MSI2: variants seen among roughly 807,000 people sequenced by gnomAD.
MSI2 encodes the protein musashi RNA binding protein 2.
In MSI2, 17 loss-of-function variants were observed where a neutral mutation model predicts 45.6. The observed-to-expected ratio is 0.37, with a 90% CI of 0.26 to 0.56. MSI2 has a LOEUF of 0.56. Among genes scored for constraint, MSI2 ranks in the 20% least tolerant of loss-of-function variants. The pLI is 0.77. For missense variants in MSI2, 293 were observed against 444.2 expected (o/e 0.66, Z 3.06); for synonymous variants, 156 against 158.2 (o/e 0.99, Z 0.11).
intron 7 of MSI2, among the ~76,000 whole-genome samples, chr17:57,588,969 G>C (rs1272014805): frequency 6.6e-6 from 1 of 152,218 alleles, no homozygotes; most frequent in Non-Finnish European, 1.5e-5. Flanking sequence ...GGTGAAGATT[G>C]AGTTACAGAG....
rs114214678 is a variant in MSI2 at position 57,491,449 on chromosome 17, T to C, written c.406-38227T>C. 4.2e-3 allele frequency among the ~76,000 whole-genome samples: 633 copies of C among 152,334 alleles called. 4 individuals are homozygous for C. The highest frequency in any genetic ancestry group is 0.014 in the African/African-American group (589 of 41,584). On this transcript the variant is annotated intron_variant, in intron 6 of 13. Coordinates refer to ENST00000284073, the MANE Select transcript of MSI2 (RefSeq NM_138962.4). The stretch of plus-strand genomic sequence containing the variant: ...GCTGGAAAGCAGCCCAGGAGGACAC[T>C]TGGGGCAGAGGCAGCCAGCCTGGGG...
At chr17:57,402,793 GTTGGTT>G (rs1285456245) in intron 6 of MSI2, among the ~76,000 whole-genome samples, 2 of 152,182 alleles carry the variant, frequency 1.3e-5, no homozygotes, top group South Asian at 2.1e-4. Flanking sequence ...GCCCTTCCAG[GTTGGTT>G]TTGAAAAGGC....
chr17:57,466,529 C>A (rs566858435), intron 6 of MSI2, among the ~76,000 whole-genome samples: 1 of 152,104 alleles, frequency 6.6e-6, no homozygotes, highest in Non-Finnish European at 1.5e-5. Flanking sequence ...TCTTGCCCAG[C>A]TCTTTTTTCC....
At chr17:57,319,457 A>C (rs1423648855) in intron 5 of MSI2, among the ~76,000 whole-genome samples, 1 of 152,228 alleles carries the variant, frequency 6.6e-6, no homozygotes, top group Non-Finnish European at 1.5e-5. Flanking sequence ...TGCATCTTAC[A>C]AATGGATGGC....
chr17:57,630,904 G>T, intron 10 of MSI2: 1 of 152,376 alleles, frequency 6.6e-6, no homozygotes. Context: ...GGCGGCTGGG[G>T]TACAGAAGGG....
At chr17:57,303,930 T>G (rs1426411035) in intron 5 of MSI2, among the ~76,000 whole-genome samples, 1 of 152,048 alleles carries the variant, frequency 6.6e-6, no homozygotes, top group Non-Finnish European at 1.5e-5. Context: ...GAGGTGGCCT[T>G]GAGAGAGTCC....
chr17:57,698,016 C>G, the MSI2 span, among the ~76,000 whole-genome samples: 6 of 152,282 alleles, frequency 3.9e-5, no homozygotes, highest in South Asian at 6.2e-4. Flanking sequence ...CACTTGCTCA[C>G]CTCCCTGTCT....
chr17:57,365,878 G>A (rs1917149718), intron 5 of MSI2, among the ~76,000 whole-genome samples: 1 of 152,084 alleles, frequency 6.6e-6, no homozygotes. Context: ...ACAGATTGTG[G>A]CACATAGTAG....
At chr17:57,664,690 C>T (rs1912240585) in intron 11 of MSI2, among the ~76,000 whole-genome samples, 1 of 152,230 alleles carries the variant, frequency 6.6e-6, no homozygotes, top group Non-Finnish European at 1.5e-5. Context: ...TCATTTTACA[C>T]ATCTGTCCTC....
chr17:57,649,919 G>A (rs1911005644), intron 10 of MSI2, among the ~76,000 whole-genome samples: 1 of 152,166 alleles, frequency 6.6e-6, no homozygotes, highest in Admixed American at 6.5e-5. Context: ...GGCGACTATG[G>A]AGCTGCTGCC....
At chr17:57,318,391 T>G (rs1567754226) in intron 5 of MSI2, among the ~76,000 whole-genome samples, 1 of 152,196 alleles carries the variant, frequency 6.6e-6, no homozygotes, top group Non-Finnish European at 1.5e-5. Flanking sequence ...GACCGTGTCC[T>G]GAATGTCAGT....
At chr17:57,451,878 C>T (rs942034957) in intron 6 of MSI2, among the ~76,000 whole-genome samples, 44 of 152,180 alleles carry the variant, frequency 2.9e-4, no homozygotes, top group African/African-American at 1.0e-3. Flanking sequence ...AGGGAAGGGA[C>T]AGGGTACAAT....
chr17:57,397,764 C>T (rs978351775), intron 5 of MSI2, among the ~76,000 whole-genome samples: 2 of 152,202 alleles, frequency 1.3e-5, no homozygotes, highest in Non-Finnish European at 1.5e-5. Flanking sequence ...CCCTGTCGCC[C>T]CCATAGCTGT....
chr17:57,311,009 A>G (rs991720896), intron 5 of MSI2, among the ~76,000 whole-genome samples: 6 of 152,204 alleles, frequency 3.9e-5, no homozygotes, highest in Admixed American at 6.5e-5. Flanking sequence ...TCATTTGACA[A>G]CGTTGTTGTG....
At chr17:57,670,911 T>C (rs1226984624) in intron 11 of MSI2, among the ~76,000 whole-genome samples, 2 of 152,212 alleles carry the variant, frequency 1.3e-5, no homozygotes, top group African/African-American at 4.8e-5. Context: ...TCAGATTGAA[T>C]AAGGAAAGCA....
intron 6 of MSI2, chr17:57,440,810 C>T (rs2084786276): frequency 2.0e-5 from 3 of 152,214 alleles, no homozygotes; most frequent in Admixed American, 2.0e-4. Context: ...CACAGGTACC[C>T]TTATTTATGC....
chr17:57,448,118 C>G (rs2084933269), intron 6 of MSI2: 1 of 152,204 alleles, frequency 6.6e-6, no homozygotes, highest in Non-Finnish European at 1.5e-5. Context: ...GCAGGGCTCT[C>G]TGGTGGGCAT....
rs977087740 is a variant in MSI2, at chr17:57,407,019, G to A, written c.405+5548G>A. On this transcript the variant is annotated intron_variant, in intron 6 of 13. Transcript: ENST00000284073. The surrounding 1 kb of genome is among the most constrained non-coding windows in gnomAD (Gnocchi z 4.1). ...CAGCTCTTGAGGTCTCGTCAAAGTG[G>A]GAGATCGCTGTGGAAACCAGGTGAA... 7.9e-5 allele frequency: 12 copies of A among 152,168 alleles called. No homozygotes were observed. The highest frequency in any genetic ancestry group is 1.5e-4 in the Non-Finnish European group (10 of 68,038). The allele number at this position is 152,168 out of a possible 1,614,324, so 9.4% of individuals were successfully genotyped here. A position where few individuals can be genotyped will look rare whatever the true frequency, so the allele number is the denominator to read the frequency against.
chr17:57,609,366 G>A (rs1242041484), intron 8 of MSI2, among the ~76,000 whole-genome samples: 1 of 152,116 alleles, frequency 6.6e-6, no homozygotes, highest in Non-Finnish European at 1.5e-5. Flanking sequence ...CTGTTAGCCA[G>A]ACAGTCAGAC....
Sources: gnomAD v4.1 joint callset for allele counts (sites outside exome capture counted in the v4.1 genomes callset) on GRCh38, gnomAD v4.1.1 for gene constraint, Gnocchi (gnomAD v3.1) non-coding constraint, MANE v1.5 for transcripts, NCBI Gene and HGNC (gene_info 2026-07-23, HGNC 2026-07-21) for gene names.